The following ZBTB20 variants were observed in gnomAD, a reference collection of about 807,000 sequenced individuals.
ZBTB20 encodes the protein zinc finger and BTB domain containing 20.
ZBTB20 carries 9 observed loss-of-function variants against 56.9 expected under a neutral mutation model. The ratio of observed to expected loss-of-function variants is 0.16; its 90% CI spans 0.10 to 0.28. The LOEUF (loss-of-function observed/expected upper bound fraction) is 0.28, where lower values mean the gene tolerates loss of function less well. Among genes scored for constraint, ZBTB20 ranks in the 10% least tolerant of loss-of-function variants. ZBTB20 has a pLI of 1.00. For synonymous variants in ZBTB20, 417 were observed against 420.7 expected (o/e 0.99, Z 0.11); for missense variants, 655 against 1,003.0 (o/e 0.65, Z 4.69).
intron 7 of ZBTB20, among the ~76,000 whole-genome samples, chr3:114,446,737 C>T (rs569738951): frequency 2.6e-5 from 4 of 152,108 alleles, no homozygotes; most frequent in South Asian, 4.1e-4. Context: ...TGGCCTACGG[C>T]GGCTGCTTAG....
chr3:115,101,561 T>A (rs2083584575), intron 1 of ZBTB20, among the ~76,000 whole-genome samples: 1 of 152,120 alleles, frequency 6.6e-6, no homozygotes, highest in South Asian at 2.1e-4. Context: ...GCTTGACGAG[T>A]CATATCTCCT....
chr3:114,403,139 A>G (rs1016162408), intron 7 of ZBTB20, among the ~76,000 whole-genome samples: 1 of 152,194 alleles, frequency 6.6e-6, no homozygotes, highest in Admixed American at 6.6e-5. Flanking sequence ...TTTTTAAATG[A>G]TTGATTATTT....
At chr3:114,647,700 GTGTAAGTACTCA>G in intron 6 of ZBTB20, among the ~76,000 whole-genome samples, 1 of 152,244 alleles carries the variant, frequency 6.6e-6, no homozygotes, top group East Asian at 1.9e-4. Context: ...CATATACAAT[GTGTAAGTACTCA>G]GTAAATACTC....
chr3:114,892,799 T>A (rs1450445140), intron 4 of ZBTB20, among the ~76,000 whole-genome samples: 1 of 152,210 alleles, frequency 6.6e-6, no homozygotes, highest in Non-Finnish European at 1.5e-5. Flanking sequence ...ACTTTGTCTA[T>A]CCTGATGGAC....
chr3:114,431,286 A>G (rs1247019241), intron 7 of ZBTB20, among the ~76,000 whole-genome samples: 2 of 152,166 alleles, frequency 1.3e-5, no homozygotes, highest in African/African-American at 4.8e-5. Flanking sequence ...AAGAGTCTCT[A>G]TCAGCTCCAG....
At chr3:114,668,233 G>A (rs918370919) in intron 6 of ZBTB20, among the ~76,000 whole-genome samples, 54 of 151,942 alleles carry the variant, frequency 3.6e-4, no homozygotes, top group African/African-American at 1.2e-3. Context: ...GTGGAGTACT[G>A]CCTGATTTGG....
intron 5 of ZBTB20, among the ~76,000 whole-genome samples, chr3:114,790,012 C>T (rs939785078): frequency 3.9e-5 from 6 of 152,100 alleles, no homozygotes; most frequent in Admixed American, 1.3e-4. Flanking sequence ...AACACACACA[C>T]ACTCATACAC....
chr3:114,712,893 G>C (rs535521033), intron 5 of ZBTB20, among the ~76,000 whole-genome samples: 3 of 152,122 alleles, frequency 2.0e-5, no homozygotes, highest in African/African-American at 4.8e-5. Flanking sequence ...GAGCTTTTCC[G>C]TGTTCAAACA....
intron 5 of ZBTB20, among the ~76,000 whole-genome samples, chr3:114,719,843 T>G (rs1487144427): frequency 6.6e-6 from 1 of 152,050 alleles, no homozygotes; most frequent in Non-Finnish European, 1.5e-5. Flanking sequence ...TTAGAAACTG[T>G]TAAGATTCTT....
At position 114,955,683 on chromosome 3, in the gene ZBTB20, T is replaced by A. The variant is rs568124707; in HGVS notation, c.-456+18683A>T. ...ATCATCTTCAAATAGAAATGATAGC[T>A]CCAAAGAGGAAAAGGAAAAACAACT... is the stretch of plus-strand genomic sequence containing the variant. On this transcript the variant is annotated intron_variant, in intron 3 of 11. Coordinates refer to ENST00000675478, the MANE Select transcript of ZBTB20 (RefSeq NM_001348800.3). Among the ~76,000 whole-genome samples the A allele has an allele frequency of 3.3e-5, 5 of 152,162 alleles. No individual in the cohort carries two copies. The East Asian group carries it at 9.7e-4, about 29-fold the overall frequency.
At chr3:114,475,623 T>C (rs1196695776) in intron 7 of ZBTB20, among the ~76,000 whole-genome samples, 2 of 152,026 alleles carry the variant, frequency 1.3e-5, no homozygotes, top group Non-Finnish European at 2.9e-5. Context: ...AGTAACTTAA[T>C]AGCTAAAGAA....
At chr3:114,816,817 T>C (rs2072949277) in intron 4 of ZBTB20, among the ~76,000 whole-genome samples, 1 of 152,168 alleles carries the variant, frequency 6.6e-6, no homozygotes, top group Non-Finnish European at 1.5e-5. Context: ...AAAGCAATGA[T>C]TTCAGTCTAC....
intron 5 of ZBTB20, among the ~76,000 whole-genome samples, chr3:114,781,358 A>T (rs960611762): frequency 6.6e-6 from 1 of 152,192 alleles, no homozygotes; most frequent in African/African-American, 2.4e-5. Flanking sequence ...GTAATTAATA[A>T]ATGTTAGCTG....
chr3:115,112,115 C>T (rs77795549), intron 1 of ZBTB20, among the ~76,000 whole-genome samples: 2,325 of 152,192 alleles, frequency 0.015, 33 homozygotes, highest in South Asian at 0.05. Context: ...AATTTTAAGG[C>T]TCTTCCATGT....
At chr3:114,719,866 T>C (rs2064790395) in intron 5 of ZBTB20, among the ~76,000 whole-genome samples, 1 of 152,016 alleles carries the variant, frequency 6.6e-6, no homozygotes, top group South Asian at 2.1e-4. Flanking sequence ...TGTCAGTATG[T>C]CAAATATCAG....
chr3:114,693,935 G>A (rs2062844944), intron 5 of ZBTB20, among the ~76,000 whole-genome samples: 1 of 152,040 alleles, frequency 6.6e-6, no homozygotes, highest in South Asian at 2.1e-4. Flanking sequence ...AAACCACTAG[G>A]ATTTGCAGCT....
Position 114,644,056 on chromosome 3 carries a change from T to C in ZBTB20, c.-295+49472A>G, listed in dbSNP as rs2702168. 7.3e-3 allele frequency among the ~76,000 whole-genome samples: 1,115 copies of C among 152,122 alleles called. 16 individuals are homozygous for C. Among genetic ancestry groups the C allele is most frequent in the African/African-American group, 0.026 (1,066 of 41,532 alleles). ...AATGAACAATAAAAAACCTTAATTA[T>C]GCAAATTAATAAGTCTATACCTTTG... On this transcript the variant is annotated intron_variant, in intron 6 of 11. Coordinates refer to ENST00000675478, the MANE Select transcript of ZBTB20 (RefSeq NM_001348800.3).
At chr3:114,363,613 A>G (rs777881759) in intron 10 of ZBTB20, among the ~76,000 whole-genome samples, 2 of 152,122 alleles carry the variant, frequency 1.3e-5, no homozygotes, top group Non-Finnish European at 2.9e-5. Context: ...CTTCACAGGG[A>G]TGTTGTAGGG....
chr3:114,613,206 A>G (rs35117518), intron 6 of ZBTB20, among the ~76,000 whole-genome samples: 14,363 of 152,184 alleles, frequency 0.094, 894 homozygotes, highest in Non-Finnish European at 0.13. Context: ...AGGGTTTTGT[A>G]TTAGGCAAGA....
Sources: gnomAD v4.1 joint callset for allele counts (sites outside exome capture counted in the v4.1 genomes callset) on GRCh38, gnomAD v4.1.1 for gene constraint, MANE v1.5 for transcripts, NCBI Gene and HGNC (gene_info 2026-07-23, HGNC 2026-07-21) for gene names.